Variants in INPP5F observed in about 807,000 individuals in gnomAD.
INPP5F encodes the protein phosphatidylinositide 4-phosphatase SAC2.
Under a neutral mutation model 137.2 loss-of-function variants are expected in INPP5F, and 97 were observed. The observed-to-expected ratio is 0.71, with a 90% CI of 0.60 to 0.84. INPP5F has a LOEUF of 0.84. INPP5F is among the 40% of genes least tolerant of loss of function. The pLI is 0.00. For missense variants in INPP5F, 1,271 were observed against 1,371.9 expected (o/e 0.93, Z 1.16); for synonymous variants, 504 against 476.9 (o/e 1.06, Z -0.74).
chr10:119,748,747 C>T lies in INPP5F; in HGVS notation c.98-2329C>T, dbSNP rs746567599. ...TGATTGGTCCATGGGAGGCCACGGA[C>T]GGCCTGGAGAAAGCACCCTGAGTTC... On this transcript the variant is annotated intron_variant, in intron 1 of 19. Coordinates refer to ENST00000650623, the MANE Select transcript of INPP5F (RefSeq NM_014937.4). The surrounding 1 kb of genome is among the most constrained non-coding windows in gnomAD (Gnocchi z 4.7). Among the ~76,000 whole-genome samples the T allele has an allele frequency of 2.0e-4, 30 of 152,282 alleles. No individual in the cohort carries two copies. The highest frequency in any genetic ancestry group is 3.5e-4 in the Non-Finnish European group (24 of 68,032).
chr10:119,796,768 T>G lies in INPP5F; in HGVS notation c.723T>G (p.Ile241Met), dbSNP rs768147780. Residue 241 changes from isoleucine (I) to methionine (M), a missense_variant, in exon 7 of 20, where the codon ATT (isoleucine) becomes ATG (methionine). Physicochemically the swap from Ile to Met is conservative, Grantham distance 10 (BLOSUM62 1). Transcript: ENST00000650623. The part of the protein sequence containing the change: ...IIPMIQGFVQ[I>M]EELVVNYTES... ...CCATGATCCAAGGTTTTGTGCAGAT[T>G]GAAGAACTTGTGGTTAATTATACCG... is the stretch of plus-strand genomic sequence containing the variant. 6.2e-7 allele frequency: 1 copy of G among 1,613,644 alleles called. No individual in the cohort carries two copies. Among genetic ancestry groups the G allele is most frequent in the Non-Finnish European group, 8.5e-7 (1 of 1,179,886 alleles).
At chr10:119,812,289 G>A (rs980018658) in intron 15 of INPP5F, among the ~76,000 whole-genome samples, 1 of 152,156 alleles carries the variant, frequency 6.6e-6, no homozygotes, top group Non-Finnish European at 1.5e-5. Context: ...ACATAAGTGA[G>A]TGCAACAAGA....
intron 16 of INPP5F, among the ~76,000 whole-genome samples, chr10:119,821,180 A>G (rs1453260963): frequency 6.6e-6 from 1 of 152,152 alleles, no homozygotes; most frequent in Non-Finnish European, 1.5e-5. Flanking sequence ...TATTTCCTAT[A>G]TATTTCCCAG....
rs59388357 is a variant in INPP5F at position 119,732,500 on chromosome 10, C to CTTTTTTTTTTT, written c.97+6148_97+6158dup. ...TGAGCACTTTTCTTTTTTCTTTTTTCTTTTTTTTTTTTTTTTTGAGACGGA... is the reference window on the plus strand; with the variant it reads ...TGAGCACTTTTCTTTTTTCTTTTTTCTTTTTTTTTTTTTTTTTTTTTTTTTTTTGAGACGGA... On this transcript the variant is annotated intron_variant, in intron 1 of 19. Transcript: ENST00000650623. 1.6e-4 allele frequency among the ~76,000 whole-genome samples: 19 copies of CTTTTTTTTTTT among 115,564 alleles called. 1 individual carries two copies. Among genetic ancestry groups the CTTTTTTTTTTT allele is most frequent in the East Asian group, 1.1e-3 (4 of 3,800 alleles). The allele number at this position is 115,564 out of a possible 152,430, so 75.8% of individuals were successfully genotyped here.
intron 3 of INPP5F, among the ~76,000 whole-genome samples, chr10:119,788,952 G>A (rs1259837865): frequency 2.6e-5 from 4 of 152,162 alleles, no homozygotes; most frequent in African/African-American, 9.7e-5. Flanking sequence ...TTGGCCGGGC[G>A]CAGTGGCTCA....
intron 2 of INPP5F, among the ~76,000 whole-genome samples, chr10:119,751,424 T>C (rs1050448170): frequency 2.0e-5 from 3 of 152,188 alleles, no homozygotes; most frequent in African/African-American, 4.8e-5. Context: ...GGGAAAGATA[T>C]AGCAAATGCA....
At chr10:119,821,864 CTTTT>C (rs11347174) in intron 16 of INPP5F, among the ~76,000 whole-genome samples, 4 of 88,154 alleles carry the variant, frequency 4.5e-5, no homozygotes, top group Non-Finnish European at 6.6e-5. Flanking sequence ...CTTGTAGTTG[CTTTT>C]TTTTTTTTTT....
chr10:119,762,831 G>T (rs1405799342), intron 2 of INPP5F, among the ~76,000 whole-genome samples: 3 of 152,032 alleles, frequency 2.0e-5, no homozygotes, highest in African/African-American at 7.2e-5. Flanking sequence ...ATAATATTTT[G>T]CCCTGTCCCC....
chr10:119,779,406 A>T (rs868122361), intron 2 of INPP5F, among the ~76,000 whole-genome samples: 2 of 151,800 alleles, frequency 1.3e-5, no homozygotes, highest in South Asian at 2.1e-4. Context: ...TTTTTTAAAA[A>T]TTTTTTTGGG....
chr10:119,731,466 C>G (rs1279936355), intron 1 of INPP5F, among the ~76,000 whole-genome samples: 1 of 152,100 alleles, frequency 6.6e-6, no homozygotes, highest in Non-Finnish European at 1.5e-5. Context: ...GAGTTCAAGA[C>G]CAGCCTAGCC....
chr10:119,744,387 G>A (rs945177807), intron 1 of INPP5F, among the ~76,000 whole-genome samples: 3 of 152,084 alleles, frequency 2.0e-5, no homozygotes, highest in Non-Finnish European at 2.9e-5. Context: ...TAGGATACAC[G>A]CATCTGCTTC....
intron 2 of INPP5F, among the ~76,000 whole-genome samples, chr10:119,758,508 G>A (rs1310840332): frequency 2.0e-5 from 3 of 152,198 alleles, no homozygotes. Flanking sequence ...CTTTAGGCTG[G>A]AGATTTAAAA....
intron 3 of INPP5F, among the ~76,000 whole-genome samples, chr10:119,788,039 G>T (rs1214687912): frequency 6.6e-6 from 1 of 152,232 alleles, no homozygotes; most frequent in African/African-American, 2.4e-5. Context: ...CAATGGGCAT[G>T]AAGTGGTTGG....
chr10:119,762,874 A>AT, intron 2 of INPP5F, among the ~76,000 whole-genome samples: 1 of 152,280 alleles, frequency 6.6e-6, no homozygotes, highest in East Asian at 1.9e-4. Flanking sequence ...TGCAAAATAC[A>AT]TTCATTATAA....
chr10:119,735,694 A>G (rs57396190), intron 1 of INPP5F, among the ~76,000 whole-genome samples: 1 of 152,270 alleles, frequency 6.6e-6, no homozygotes, highest in African/African-American at 2.4e-5. Context: ...CTAGGCAGGG[A>G]CTTCCAGAAT....
chr10:119,756,718 T>C (rs1848855579), intron 2 of INPP5F, among the ~76,000 whole-genome samples: 1 of 152,202 alleles, frequency 6.6e-6, no homozygotes, highest in South Asian at 2.1e-4. Flanking sequence ...GTAATGTTTT[T>C]GGTAACAACA....
chr10:119,821,410 T>A (rs961556518), intron 16 of INPP5F, among the ~76,000 whole-genome samples: 4 of 151,986 alleles, frequency 2.6e-5, no homozygotes, highest in African/African-American at 4.8e-5. Context: ...AATTATGACT[T>A]TTGTGGTTTG....
chr10:119,726,487 C>G, intron 1 of INPP5F, 128 bp downstream of exon 1: 1 of 363,312 alleles, frequency 2.8e-6, no homozygotes. Flanking sequence ...GGGCGGGCTG[C>G]GAGCGCGCGA....
chr10:119,825,630 A>T (rs190254293), intron 19 of INPP5F, among the ~76,000 whole-genome samples: 1 of 152,364 alleles, frequency 6.6e-6, no homozygotes, highest in Non-Finnish European at 1.5e-5. Flanking sequence ...TTTTCTAAAT[A>T]CTTTGTAGAG....
Sources: allele counts gnomAD v4.1 joint callset (sites outside exome capture counted in the v4.1 genomes callset), GRCh38; gene constraint gnomAD v4.1.1; non-coding constraint Gnocchi (gnomAD v3.1); transcripts MANE v1.5; gene names NCBI Gene and HGNC (gene_info 2026-07-23, HGNC 2026-07-21).